ZNF568: variants seen among roughly 807,000 people sequenced by gnomAD.
The protein encoded by ZNF568 is zinc finger protein 568, also known as p53 inhibitor of SCO2 activation.
A neutral mutation model predicts 18.1 loss-of-function variants in ZNF568; 11 were observed. The ratio of observed to expected loss-of-function variants is 0.61; its 90% CI spans 0.38 to 1.00. ZNF568 has a LOEUF of 1.00. Ranked by LOEUF, ZNF568 falls within the 50% of genes least tolerant of loss-of-function variation. The probability of loss-of-function intolerance (pLI) is 0.01; values close to 1 mark genes in which losing one functional copy is unlikely to be tolerated. For synonymous variants in ZNF568, 213 were observed against 246.6 expected, an observed-to-expected ratio of 0.86 and a Z score of 1.28; for missense variants, 639 against 768.2, an observed-to-expected ratio of 0.83 and a Z score of 1.99.
chr19:36,934,845 G>A (rs751190857), intron 4 of ZNF568, among the ~76,000 whole-genome samples: 5 of 151,366 alleles, frequency 3.3e-5, no homozygotes, highest in Non-Finnish European at 7.4e-5. Flanking sequence ...ACATATTTTT[G>A]AATTTCACAA....
chr19:36,983,911 T>TTTTTTTTTTTTTG (rs1300895800), downstream of ZNF568, among the ~76,000 whole-genome samples: 1 of 144,512 alleles, frequency 6.9e-6, no homozygotes, highest in Admixed American at 6.8e-5. Flanking sequence ...TTTTTTTTTT[T>TTTTTTTTTTTTTG]TTGTTGAGAC....
At chr19:36,920,001 T>C (rs2073424546) in intron 2 of ZNF568, among the ~76,000 whole-genome samples, 1 of 152,156 alleles carries the variant, frequency 6.6e-6, no homozygotes, top group Non-Finnish European at 1.5e-5. Flanking sequence ...AAAAGTTAAC[T>C]GTAAAACAGC....
chr19:36,985,906 A>G (rs1176290947), intron 2 of ZNF568, among the ~76,000 whole-genome samples: 1 of 152,138 alleles, frequency 6.6e-6, no homozygotes, highest in East Asian at 1.9e-4. Flanking sequence ...GTTCAGTGAC[A>G]TTTAGTTCAT....
In ZNF568 at chr19:36,952,677, A is replaced by G. The variant is rs1032549072; in HGVS notation, c.*1589A>G. 6 of 533,588 alleles carry G rather than the reference A, an allele frequency of 1.1e-5. No individual in the cohort carries two copies. The African/African-American group carries it at 1.3e-4, about 11-fold the overall frequency. The allele number at this position is 533,588 out of a possible 1,614,324, so 33.1% of individuals were successfully genotyped here. A position where few individuals can be genotyped will look rare whatever the true frequency, so the allele number is the denominator to read the frequency against. Reference sequence around the variant, plus strand: ...CTTTAGCTTTGCTTGTAGTTTTTATACCTTAAAAAGACTGGTAGCATATAA... The same window carrying G: ...CTTTAGCTTTGCTTGTAGTTTTTATGCCTTAAAAAGACTGGTAGCATATAA... On this transcript the variant is annotated 3_prime_UTR_variant, in exon 7 of 7. Coordinates refer to ENST00000333987, the MANE Select transcript of ZNF568 (RefSeq NM_198539.4).
intron 6 of ZNF568, among the ~76,000 whole-genome samples, chr19:36,947,326 T>A (rs2073984101): frequency 6.6e-6 from 1 of 152,050 alleles, no homozygotes; most frequent in African/African-American, 2.4e-5. Flanking sequence ...AACCTGGAAG[T>A]TTTGTGTGGG....
chr19:36,996,427 G>A, exon 5 of ZNF568: 1 of 1,536,402 alleles, frequency 6.5e-7, no homozygotes, highest in South Asian at 1.2e-5. Context: ...CAGATGCCAG[G>A]TGGAGAGACA....
intron 4 of ZNF568, among the ~76,000 whole-genome samples, chr19:36,931,094 C>T (rs925240758): frequency 6.6e-6 from 1 of 152,246 alleles, no homozygotes; most frequent in South Asian, 2.1e-4. Context: ...GGCTTAGGCT[C>T]CACAGTGGGC....
intron 2 of ZNF568, among the ~76,000 whole-genome samples, chr19:36,986,257 T>C (rs1485852043): frequency 6.6e-6 from 1 of 152,162 alleles, no homozygotes. Context: ...TGGTTTTCCC[T>C]TACTCTAAGG....
chr19:36,943,216 C>G (rs2146300128), intron 6 of ZNF568, among the ~76,000 whole-genome samples: 1 of 152,296 alleles, frequency 6.6e-6, no homozygotes, highest in South Asian at 2.1e-4. Context: ...TGAGATTGAT[C>G]AGTAGATTCA....
chr19:36,976,252 T>C (rs1313161075), intron 7 of ZNF568: 1 of 152,052 alleles, frequency 6.6e-6, no homozygotes, highest in Non-Finnish European at 1.5e-5. Flanking sequence ...TCAGAGTGGG[T>C]TCATACTACT....
At chr19:36,918,187 G>A (rs766433437) in intron 2 of ZNF568, among the ~76,000 whole-genome samples, 5 of 151,916 alleles carry the variant, frequency 3.3e-5, no homozygotes, top group Non-Finnish European at 5.9e-5. Flanking sequence ...CTCGTGATTT[G>A]CCGACCTCAG....
chr19:36,930,607 T>C (rs2073671474), intron 4 of ZNF568, among the ~76,000 whole-genome samples: 1 of 152,220 alleles, frequency 6.6e-6, no homozygotes, highest in South Asian at 2.1e-4. Context: ...AAAAAATGTT[T>C]TCTCTTTTTG....
intron 2 of ZNF568, among the ~76,000 whole-genome samples, chr19:36,988,616 G>A (rs1029997441): frequency 1.3e-5 from 2 of 152,186 alleles, no homozygotes; most frequent in African/African-American, 4.8e-5. Flanking sequence ...ATTCACCCCT[G>A]TGTTCCAGTC....
intron 4 of ZNF568, among the ~76,000 whole-genome samples, chr19:36,993,997 T>G (rs2074447456): frequency 6.6e-6 from 1 of 151,850 alleles, no homozygotes; most frequent in African/African-American, 2.4e-5. Context: ...ACAGTTAGAT[T>G]GTTGATTTGA....
intron 2 of ZNF568, 82 bp from the exon 3 acceptor site, chr19:36,922,504 T>TG: frequency 2.9e-6 from 1 of 348,128 alleles, no homozygotes; most frequent in African/African-American, 2.1e-5. Flanking sequence ...CGGTGGTCAC[T>TG]GGGGGCCATC....
intron 4 of ZNF568, among the ~76,000 whole-genome samples, chr19:36,933,924 G>C (rs12104193): frequency 3.3e-5 from 1 of 29,964 alleles, no homozygotes; most frequent in African/African-American, 2.2e-4. Flanking sequence ...TTGTTTTTTT[G>C]TTTTTTTTTT....
chr19:36,950,810 A>G lies in ZNF568; in HGVS notation c.1657A>G (p.Thr553Ala). 1 of 1,613,820 alleles carries G rather than the reference A, an allele frequency of 6.2e-7. No individual in the cohort carries two copies. Residue 553 changes from threonine to alanine, a missense_variant, in exon 7 of 7, where the codon ACT (threonine) becomes GCT (alanine). Transcript: ENST00000333987. ...QNLLEHEKIH[T>A]GEKPFKCNEC... ...TCTTCTTGAGCATGAAAAAATTCATACTGGAGAGAAACCATTCAAATGTAA... is the reference window on the plus strand; with the variant it reads ...TCTTCTTGAGCATGAAAAAATTCATGCTGGAGAGAAACCATTCAAATGTAA...
At chr19:36,981,814 C>T (rs1388185275), downstream of ZNF568, among the ~76,000 whole-genome samples, 4 of 151,854 alleles carry the variant, frequency 2.6e-5, no homozygotes, top group Non-Finnish European at 4.4e-5. Flanking sequence ...GATGAGGCTG[C>T]GGTGAGCTAT....
At position 36,951,054 on chromosome 19, in the gene ZNF568, G is replaced by C; in HGVS notation, c.1901G>C (p.Arg634Thr). The change falls in exon 7 of 7, where the codon AGA (arginine) becomes ACA (threonine). Residue 634 changes from arginine (R) to threonine (T), a missense_variant. Arg to Thr is a moderately conservative substitution (Grantham distance 71). Coordinates refer to ENST00000333987, the MANE Select transcript of ZNF568 (RefSeq NM_198539.4). Reference protein sequence around the residue: ...SQRASLSIHKRGHTGERHQVY With the variant: ...SQRASLSIHKTGHTGERHQVY ...AGAGCATCCCTTTCTATACATAAGA[G>C]AGGTCATACAGGTGAGAGACACCAA... The C allele has an allele frequency of 6.3e-7, 1 of 1,586,786 alleles. No homozygotes were observed. Among genetic ancestry groups the C allele is most frequent in the South Asian group, 1.2e-5 (1 of 85,768 alleles).
Sources: gnomAD v4.1 joint callset for allele counts (sites outside exome capture counted in the v4.1 genomes callset) on GRCh38, gnomAD v4.1.1 for gene constraint, MANE v1.5 for transcripts, NCBI Gene and HGNC (gene_info 2026-07-23, HGNC 2026-07-21) for gene names.